Variants in PLCE1 observed in about 807,000 individuals in gnomAD.
PLCE1 encodes the protein 1-phosphatidylinositol 4,5-bisphosphate phosphodiesterase epsilon-1.
A neutral mutation model predicts 242.8 loss-of-function variants in PLCE1; 119 were observed. The ratio of observed to expected loss-of-function variants is 0.49; its 90% CI spans 0.42 to 0.57. The LOEUF (loss-of-function observed/expected upper bound fraction) is 0.57. Ranked by LOEUF, PLCE1 falls within the 20% of genes least tolerant of loss-of-function variation. The pLI, the probability that PLCE1 is intolerant of heterozygous loss-of-function variation, is 0.00. For synonymous variants in PLCE1, 945 were observed against 1,017.4 expected (o/e 0.93, Z 1.35); for missense variants, 2,441 against 2,788.8 (o/e 0.88, Z 2.81).
intron 4 of PLCE1, among the ~76,000 whole-genome samples, chr10:94,226,726 C>G (rs1002235637): frequency 4.7e-5 from 7 of 149,290 alleles, no homozygotes; most frequent in Admixed American, 3.3e-4. Flanking sequence ...TTCTTATAGT[C>G]AAAAGAAATT....
chr10:94,084,365 G>A (rs1442920391), intron 2 of PLCE1, among the ~76,000 whole-genome samples: 1 of 152,190 alleles, frequency 6.6e-6, no homozygotes, highest in African/African-American at 2.4e-5. Flanking sequence ...AATGAGGGGA[G>A]AGGGCAAGAG....
chr10:94,155,753 A>G (rs1323966917), intron 3 of PLCE1: 1 of 151,988 alleles, frequency 6.6e-6, no homozygotes, highest in Non-Finnish European at 1.5e-5. Context: ...CACAAATTGT[A>G]TATTTTAAAC....
chr10:94,074,688 A>G (rs2044453691), intron 2 of PLCE1, among the ~76,000 whole-genome samples: 1 of 152,250 alleles, frequency 6.6e-6, no homozygotes, highest in African/African-American at 2.4e-5. Context: ...TTACGATACT[A>G]TCTTGCCAGA....
chr10:94,280,964 T>C (rs919584441), intron 20 of PLCE1, among the ~76,000 whole-genome samples: 1 of 152,190 alleles, frequency 6.6e-6, no homozygotes, highest in Admixed American at 6.5e-5. Flanking sequence ...TCCTTAGTAA[T>C]AGTTGATTGC....
chr10:94,092,543 C>T (rs1215481318), intron 2 of PLCE1, among the ~76,000 whole-genome samples: 1 of 151,952 alleles, frequency 6.6e-6, no homozygotes, highest in East Asian at 1.9e-4. Flanking sequence ...AGAAACCCAC[C>T]TAGAAAGCCC....
At chr10:94,143,080 G>A (rs946918508) in intron 3 of PLCE1, among the ~76,000 whole-genome samples, 2 of 152,206 alleles carry the variant, frequency 1.3e-5, no homozygotes, top group Admixed American at 1.3e-4. Flanking sequence ...GGGCCCCAGA[G>A]GGAAGTCCCT....
intron 4 of PLCE1, among the ~76,000 whole-genome samples, chr10:94,203,043 A>T (rs566712927): frequency 1.3e-5 from 2 of 152,204 alleles, no homozygotes; most frequent in Non-Finnish European, 2.9e-5. Context: ...GCATGGTGCT[A>T]TGTGCTTCAC....
At position 94,135,782 on chromosome 10, in the gene PLCE1, T is replaced by A. The variant is rs371576813; in HGVS notation, c.1492+3323T>A. 8.5e-5 allele frequency among the ~76,000 whole-genome samples: 13 copies of A among 152,170 alleles called. No homozygotes were observed. In the East Asian group the frequency reaches 1.2e-3, roughly 13 times the overall value. On this transcript the variant is annotated intron_variant, in intron 3 of 32. Coordinates refer to ENST00000371380, the MANE Select transcript of PLCE1 (RefSeq NM_016341.4). ...ACATTTCTTGTTGAGGGGCAATAAT[T>A]TTATTAAAGATGAGTAAAGAGTTAA...
chr10:94,132,227 C>T lies in PLCE1; in HGVS notation c.1260C>T (p.Leu420=), dbSNP rs1456724573. 15 of 1,613,962 alleles carry T rather than the reference C, an allele frequency of 9.3e-6. No individual in the cohort carries two copies. In the Admixed American group the frequency reaches 2.5e-4, roughly 27 times the overall value. Residue 420 remains leucine (L), a synonymous_variant, in exon 3 of 33, where the codon CTC becomes CTT. Transcript: ENST00000371380. ...CAGAAAATACAGTTGGATCTCTACTCCATTTCCTCACCAAGCTCCCAGCCT... is the reference window on the plus strand; with the variant it reads ...CAGAAAATACAGTTGGATCTCTACTTCATTTCCTCACCAAGCTCCCAGCCT... The part of the protein sequence containing the change: ...EETENTVGSL[L]HFLTKLPASE...
chr10:94,305,276 A>G (rs1017569124), intron 25 of PLCE1, among the ~76,000 whole-genome samples: 1 of 152,160 alleles, frequency 6.6e-6, no homozygotes, highest in African/African-American at 2.4e-5. Context: ...CAAAAAAATA[A>G]CAAAAAAAAT....
chr10:94,202,442 T>TGACAAAACGGA lies in PLCE1; in HGVS notation c.1810-24855_1810-24845dup, dbSNP rs1232410318. Among the ~76,000 whole-genome samples the TGACAAAACGGA allele has an allele frequency of 4.6e-5, 7 of 152,134 alleles. No individual in the cohort carries two copies. In the East Asian group the frequency reaches 1.3e-3, roughly 29 times the overall value. On this transcript the variant is annotated intron_variant, in intron 4 of 32. Transcript: ENST00000371380. ...ACATTCAGACCCAGATCATTGTCTATGACAAAACGGAGACAAAACTGAGCC... is the reference window on the plus strand; with the variant it reads ...ACATTCAGACCCAGATCATTGTCTATGACAAAACGGAGACAAAACGGAGACAAAACTGAGCC...
At chr10:94,095,489 A>G (rs1405932894) in intron 2 of PLCE1, among the ~76,000 whole-genome samples, 3 of 152,070 alleles carry the variant, frequency 2.0e-5, no homozygotes, top group Non-Finnish European at 4.4e-5. Flanking sequence ...CCTGAGTAGC[A>G]GGGACTACAG....
chr10:94,137,697 T>C (rs1403916157), intron 3 of PLCE1: 1 of 166,788 alleles, frequency 6.0e-6, no homozygotes, highest in Non-Finnish European at 1.3e-5. Context: ...AAGATGGACC[T>C]GCTGAGGCCA....
chr10:94,316,525 T>A (rs747427721), intron 28 of PLCE1, 22 bp from the exon 29 acceptor site: 17 of 1,546,320 alleles, frequency 1.1e-5, no homozygotes, highest in Middle Eastern at 2.3e-4. Flanking sequence ...CACTCCTCAG[T>A]TTGCCTTCAC....
chr10:94,136,497 G>A (rs898130849), intron 3 of PLCE1, among the ~76,000 whole-genome samples: 2 of 152,138 alleles, frequency 1.3e-5, no homozygotes, highest in Non-Finnish European at 2.9e-5. Context: ...AGAAAGAACC[G>A]AAACGCTCCT....
intron 1 of PLCE1, among the ~76,000 whole-genome samples, chr10:94,020,192 T>C (rs990689461): frequency 5.3e-5 from 8 of 152,214 alleles, no homozygotes; most frequent in African/African-American, 1.9e-4. Flanking sequence ...TTTTAGCTAG[T>C]CTAGTGGGTG....
chr10:94,239,378 G>A (rs896183982), intron 7 of PLCE1, among the ~76,000 whole-genome samples: 3 of 152,172 alleles, frequency 2.0e-5, no homozygotes, highest in Admixed American at 6.5e-5. Context: ...TTCCTCCTGC[G>A]TTCATTCTTT....
chr10:94,130,323 A>G (rs547084524), intron 2 of PLCE1, among the ~76,000 whole-genome samples: 14 of 152,238 alleles, frequency 9.2e-5, no homozygotes, highest in Non-Finnish European at 1.6e-4. Context: ...ATTGTGGTCT[A>G]TAGTTATACA....
At position 94,254,173 on chromosome 10, in the gene PLCE1, G is replaced by A. The variant is rs984887095; in HGVS notation, c.3280-17G>A. ...AGAAATACAGGCTTGGAACCATCGT[G>A]AGCTTTGTGTTCCCAGGGTGAGAGT... On this transcript the variant is annotated splice_polypyrimidine_tract_variant and intron_variant, in intron 9 of 32. Coordinates refer to ENST00000371380, the MANE Select transcript of PLCE1 (RefSeq NM_016341.4). The A allele has an allele frequency of 6.4e-7, 1 of 1,564,058 alleles. No homozygotes were observed. The highest frequency in any genetic ancestry group is 8.8e-7 in the Non-Finnish European group (1 of 1,134,312).
Sources: gnomAD v4.1 joint callset for allele counts (sites outside exome capture counted in the v4.1 genomes callset) on GRCh38, gnomAD v4.1.1 for gene constraint, MANE v1.5 for transcripts, NCBI Gene and HGNC (gene_info 2026-07-23, HGNC 2026-07-21) for gene names.